EPG5: variants seen among roughly 807,000 people sequenced by gnomAD.
EPG5 encodes ectopic P granules protein 5 homolog.
EPG5 carries 159 observed loss-of-function variants against 302.7 expected under a neutral mutation model. The ratio of observed to expected loss-of-function variants is 0.53; its 90% CI spans 0.46 to 0.60. EPG5 has a LOEUF of 0.60. EPG5 is among the 20% of genes least tolerant of loss of function. The pLI is 0.00. For synonymous variants in EPG5, 1,158 were observed against 1,136.8 expected, an observed-to-expected ratio of 1.02 and a Z score of -0.37; for missense variants, 2,896 against 3,092.4, an observed-to-expected ratio of 0.94 and a Z score of 1.51.
In EPG5 at chr18:45,953,943, G is replaced by A. The variant is rs1483909656; in HGVS notation, c.1008+451C>T. 5 of 985,010 alleles carry A rather than the reference G, an allele frequency of 5.1e-6. No homozygotes were observed. In the African/African-American group the frequency reaches 7.0e-5, roughly 14 times the overall value. 61.0% of individuals were successfully genotyped at this position (985,010 alleles called of 1,614,324 possible). ...GGATGTTGGTAGCATTATGCCCAAG[G>A]TCACAAACTAATGACCCATGGGCTG... On this transcript the variant is annotated intron_variant, in intron 2 of 43. Transcript: ENST00000282041.
chr18:45,840,090 G>C, the EPG5 span: 1 of 1,109,830 alleles, frequency 9.0e-7, no homozygotes, highest in Non-Finnish European at 1.3e-6. Context: ...CTAGTCTGCT[G>C]TTTGCTTCAA....
chr18:45,952,263 G>C (rs941822140), intron 3 of EPG5, 137 bp downstream of exon 3: 3 of 979,560 alleles, frequency 3.1e-6, no homozygotes, highest in African/African-American at 3.3e-5. Flanking sequence ...ATCCTACAGT[G>C]GGGGAGGCCT....
At position 45,929,061 on chromosome 18, in the gene EPG5, T is replaced by G. The variant is rs763454921; in HGVS notation, c.2413-52A>C. On this transcript the variant is annotated intron_variant, in intron 12 of 43. Coordinates refer to ENST00000282041, the MANE Select transcript of EPG5 (RefSeq NM_020964.3). ...TGGCACTTTTAATATCAATTAGCAGTCAAAACACACTTATATCATTTTTTC... is the reference window on the plus strand; with the variant it reads ...TGGCACTTTTAATATCAATTAGCAGGCAAAACACACTTATATCATTTTTTC... The G allele has an allele frequency of 2.3e-5, 36 of 1,549,044 alleles. No individual in the cohort carries two copies. In the East Asian group the frequency reaches 8.1e-4, roughly 35 times the overall value.
the EPG5 span, among the ~76,000 whole-genome samples, chr18:45,827,547 C>T: frequency 1.3e-5 from 2 of 152,180 alleles, no homozygotes; most frequent in East Asian, 3.8e-4. Flanking sequence ...AGGTCTGAAG[C>T]CCACCTCTGC....
At chr18:45,925,934 A>G in intron 13 of EPG5, 32 bp from the exon 14 acceptor site, 2 of 1,255,984 alleles carry the variant, frequency 1.6e-6, no homozygotes, top group African/African-American at 1.6e-5. Context: ...ATCATTAAAT[A>G]AAGACTTAGA....
intron 24 of EPG5, among the ~76,000 whole-genome samples, chr18:45,904,738 A>T (rs762084796): frequency 4.2e-4 from 39 of 92,634 alleles, no homozygotes; most frequent in Middle Eastern, 9.0e-3. Context: ...GAAAATAAAT[A>T]AAAAAAAAAC....
At position 45,901,039 on chromosome 18, in the gene EPG5, G is replaced by A; in HGVS notation, c.4603C>T (p.Gln1535Ter). Residue 1535 changes from glutamine to a stop codon, truncating the protein, a stop_gained, in exon 26 of 44, where the codon CAG becomes TAG. Coordinates refer to ENST00000282041, the MANE Select transcript of EPG5 (RefSeq NM_020964.3). LOFTEE classifies it high-confidence loss of function. ...AVLLSQKDAT[Q>*]LVCTDLNLLQ... ...AGATTCAGGTCTGTGCACACCAGCT[G>A]GGTGGCGTCCTTCTGACTCAATAGC... The A allele has an allele frequency of 6.2e-7, 1 of 1,614,138 alleles. No homozygotes were observed. Among genetic ancestry groups the A allele is most frequent in the Non-Finnish European group, 8.5e-7 (1 of 1,179,996 alleles).
chr18:45,955,458 T>A (rs1166855993), intron 1 of EPG5, 120 bp from the exon 2 acceptor site: 2 of 686,178 alleles, frequency 2.9e-6, no homozygotes, highest in Admixed American at 6.5e-5. Flanking sequence ...AAACCTAAAT[T>A]CACTTTATCA....
intron 38 of EPG5, 97 bp downstream of exon 38, chr18:45,866,701 G>T: frequency 2.2e-6 from 2 of 923,808 alleles, no homozygotes; most frequent in Non-Finnish European, 3.5e-6. Flanking sequence ...GACTTCCTCT[G>T]CTGAGCACTT....
chr18:45,845,408 G>A (rs139429394), downstream of EPG5, among the ~76,000 whole-genome samples: 8 of 152,264 alleles, frequency 5.3e-5, no homozygotes, highest in East Asian at 7.7e-4. Context: ...TGATAAAGCC[G>A]CTGCTCCTAG....
chr18:45,863,506 A>G (rs992661298), intron 39 of EPG5, among the ~76,000 whole-genome samples: 4 of 152,194 alleles, frequency 2.6e-5, no homozygotes, highest in African/African-American at 9.6e-5. Flanking sequence ...CTTGACCACT[A>G]AACAGCAGTA....
chr18:45,842,423 C>CTG, the EPG5 span: 951 of 445,086 alleles, frequency 2.1e-3, no homozygotes, highest in South Asian at 2.8e-3. Context: ...GTGCATACGT[C>CTG]TGTGTGTGTG....
At chr18:45,944,176 T>TG in intron 7 of EPG5, 57 bp from the exon 8 acceptor site, 9 of 1,091,400 alleles carry the variant, frequency 8.2e-6, no homozygotes, top group Admixed American at 1.7e-5. Flanking sequence ...CACTATGATC[T>TG]AGCGTTACAG....
intron 39 of EPG5, among the ~76,000 whole-genome samples, chr18:45,861,095 C>T (rs2048624687): frequency 6.6e-6 from 1 of 152,184 alleles, no homozygotes; most frequent in Admixed American, 6.5e-5. Context: ...CACAAGGATT[C>T]AGTATTTATG....
At chr18:45,889,047 T>C (rs1207738351) in intron 28 of EPG5, among the ~76,000 whole-genome samples, 2 of 152,148 alleles carry the variant, frequency 1.3e-5, no homozygotes, top group East Asian at 1.9e-4. Flanking sequence ...AAAAGAAACA[T>C]CAACCTCTTG....
chr18:45,903,954 A>T lies in EPG5; in HGVS notation c.4474+19T>A, dbSNP rs1202832069. On this transcript the variant is annotated intron_variant, in intron 25 of 43. Transcript: ENST00000282041. The stretch of plus-strand genomic sequence containing the variant: ...CATTCATTCACTCATTCGAAGGGGC[A>T]GGTGCTCCCAGGACCCACCCAGCAA... The T allele has an allele frequency of 3.1e-6, 5 of 1,590,972 alleles. No homozygotes were observed. The African/African-American group carries it at 5.4e-5, about 17-fold the overall frequency.
chr18:45,958,118 T>C (rs181791305), intron 1 of EPG5, among the ~76,000 whole-genome samples: 9 of 152,206 alleles, frequency 5.9e-5, no homozygotes, highest in Non-Finnish European at 1.3e-4. Context: ...TAGGGATAAA[T>C]TGAGAGAAAG....
chr18:45,943,946 G>C, intron 8 of EPG5, 59 bp downstream of exon 8: 1 of 1,068,814 alleles, frequency 9.4e-7, no homozygotes, highest in Non-Finnish European at 1.4e-6. Flanking sequence ...ACTCAATGCA[G>C]AGTTCCTGTG....
the EPG5 span, among the ~76,000 whole-genome samples, chr18:45,800,591 A>G: frequency 5.3e-5 from 8 of 152,190 alleles, no homozygotes; most frequent in Admixed American, 5.2e-4. Flanking sequence ...TTAAAACAAA[A>G]GCTGGTTTTA....
Sources: allele counts gnomAD v4.1 joint callset (sites outside exome capture counted in the v4.1 genomes callset), GRCh38; gene constraint gnomAD v4.1.1; transcripts MANE v1.5; gene names NCBI Gene and HGNC (gene_info 2026-07-23, HGNC 2026-07-21).